The following CTNNA2 variants were observed in gnomAD, a reference collection of about 807,000 sequenced individuals.
CTNNA2 encodes catenin alpha 2, also known as catenin alpha-2.
In CTNNA2, 42 loss-of-function variants were observed where a neutral mutation model predicts 101.0. That is an observed-to-expected ratio of 0.42 (90% CI 0.32 to 0.54). CTNNA2 has a LOEUF of 0.54. Among genes scored for constraint, CTNNA2 ranks in the 20% least tolerant of loss-of-function variants. CTNNA2 has a pLI of 0.14. For synonymous variants in CTNNA2, 450 were observed against 456.4 expected, an observed-to-expected ratio of 0.99 and a Z score of 0.18; for missense variants, 871 against 1,223.1, an observed-to-expected ratio of 0.71 and a Z score of 4.29.
At chr2:79,817,086 G>A (rs1677566918) in intron 3 of CTNNA2, among the ~76,000 whole-genome samples, 2 of 151,550 alleles carry the variant, frequency 1.3e-5, no homozygotes, top group Non-Finnish European at 2.9e-5. Context: ...TGCCCAACGT[G>A]CAGGTTTGTT....
chr2:79,537,796 CT>C (rs34057879), intron 1 of CTNNA2, among the ~76,000 whole-genome samples: 101,124 of 145,276 alleles, frequency 0.7, 34,942 homozygotes, highest in Non-Finnish European at 0.72. Context: ...ATTACTATGC[CT>C]TTTTTTTTTT....
intron 17 of CTNNA2, among the ~76,000 whole-genome samples, chr2:80,609,779 C>T (rs547300473): frequency 9.9e-5 from 15 of 151,768 alleles, no homozygotes; most frequent in African/African-American, 2.2e-4. Flanking sequence ...TACATGGATG[C>T]GCAAAGCATC....
chr2:79,776,943 G>GA (rs1047954728), intron 3 of CTNNA2: 33 of 152,158 alleles, frequency 2.2e-4, no homozygotes, highest in African/African-American at 7.7e-4. Context: ...TACACATAAT[G>GA]AAAATGCTCC....
intron 7 of CTNNA2, among the ~76,000 whole-genome samples, chr2:80,282,781 G>A (rs1043669453): frequency 1.3e-5 from 2 of 152,216 alleles, no homozygotes; most frequent in Admixed American, 6.5e-5. Context: ...GTTATGTCTT[G>A]CAATCTTAGA....
At chr2:80,123,223 T>G (rs548476340) in intron 7 of CTNNA2, among the ~76,000 whole-genome samples, 1 of 152,246 alleles carries the variant, frequency 6.6e-6, no homozygotes, top group African/African-American at 2.4e-5. Flanking sequence ...AAGCATTTCG[T>G]TCTTTTCTTA....
chr2:79,296,492 C>G (rs1365278009), intron 2 of CTNNA2, among the ~76,000 whole-genome samples: 2 of 152,084 alleles, frequency 1.3e-5, no homozygotes, highest in African/African-American at 4.8e-5. Flanking sequence ...TCATTTATAG[C>G]TTTTTTACAG....
chr2:79,340,829 G>A lies in CTNNA2; in HGVS notation c.-318+28033G>A, dbSNP rs570673649. ...AGCCTGGGCTACAGAGCGAGACTCA[G>A]TCTCAAAAAAAAAAAAAAAAAAAAA... is the stretch of plus-strand genomic sequence containing the variant. On this transcript the variant is annotated intron_variant, in intron 3 of 21. Coordinates refer to the CTNNA2 transcript ENST00000466387. Among the ~76,000 whole-genome samples the A allele has an allele frequency of 2.8e-3, 180 of 64,848 alleles. 1 individual carries two copies. Among genetic ancestry groups the A allele is most frequent in the African/African-American group, 0.011 (165 of 14,594 alleles). The allele number at this position is 64,848 out of a possible 152,430, so 42.5% of individuals were successfully genotyped here.
chr2:80,479,013 T>G (rs1057037115), intron 9 of CTNNA2, among the ~76,000 whole-genome samples: 6 of 66,384 alleles, frequency 9.0e-5, no homozygotes, highest in Non-Finnish European at 1.4e-4. Context: ...TGAGCATGGG[T>G]TTTTTTTTTA....
intron 3 of CTNNA2, among the ~76,000 whole-genome samples, chr2:79,817,662 C>T (rs1489274119): frequency 2.0e-5 from 3 of 152,104 alleles, no homozygotes; most frequent in African/African-American, 4.8e-5. Flanking sequence ...TGGGGTCTTG[C>T]GCCAAGGGCA....
intron 3 of CTNNA2, among the ~76,000 whole-genome samples, chr2:79,369,549 G>A (rs4143799): frequency 0.66 from 100,033 of 152,006 alleles, 33,080 homozygotes; most frequent in Admixed American, 0.71. Context: ...CCTGTGACAG[G>A]CACCTGCTCA....
chr2:80,625,311 A>G (rs1671568094), intron 18 of CTNNA2, among the ~76,000 whole-genome samples: 1 of 152,042 alleles, frequency 6.6e-6, no homozygotes, highest in South Asian at 2.1e-4. Context: ...CTGAAGGATT[A>G]GTATGTGCCA....
chr2:79,451,099 A>G (rs953354381), intron 4 of CTNNA2, among the ~76,000 whole-genome samples: 1 of 152,130 alleles, frequency 6.6e-6, no homozygotes, highest in African/African-American at 2.4e-5. Flanking sequence ...AGAATGTGCA[A>G]ACTCCACAAA....
At chr2:79,982,500 C>CAT (rs1553421267) in intron 7 of CTNNA2, among the ~76,000 whole-genome samples, 1 of 149,142 alleles carries the variant, frequency 6.7e-6, no homozygotes, top group Admixed American at 6.7e-5. Context: ...CACACACACA[C>CAT]ATGCACGCAC....
intron 4 of CTNNA2, among the ~76,000 whole-genome samples, chr2:79,480,696 T>C (rs1671099567): frequency 6.6e-6 from 1 of 152,218 alleles, no homozygotes; most frequent in Non-Finnish European, 1.5e-5. Context: ...GATTTTCTGG[T>C]TAATTTCAGC....
intron 3 of CTNNA2, among the ~76,000 whole-genome samples, chr2:79,816,666 G>T (rs1912693): frequency 0.1 from 15,788 of 152,162 alleles, 1,158 homozygotes; most frequent in African/African-American, 0.2. Context: ...GTGTTAGGTT[G>T]ACCACAGGTA....
At chr2:79,249,591 A>G (rs192349034) in intron 2 of CTNNA2, among the ~76,000 whole-genome samples, 7 of 152,264 alleles carry the variant, frequency 4.6e-5, no homozygotes, top group Admixed American at 3.9e-4. Flanking sequence ...AGGTCCACCA[A>G]TGCTCCTAAC....
intron 9 of CTNNA2, among the ~76,000 whole-genome samples, chr2:80,473,642 T>C (rs1344311261): frequency 6.6e-6 from 1 of 152,208 alleles, no homozygotes; most frequent in Non-Finnish European, 1.5e-5. Flanking sequence ...CTGAGTTTGC[T>C]CAGCAGTCAG....
rs187299356 is a variant in CTNNA2 at position 79,961,681 on chromosome 2, G to A, written c.1056+51884G>A. 5.9e-3 allele frequency among the ~76,000 whole-genome samples: 891 copies of A among 152,194 alleles called. 33 individuals carry two copies. The highest frequency in any genetic ancestry group is 0.051 in the Admixed American group (774 of 15,284). On this transcript the variant is annotated intron_variant, in intron 7 of 18. Coordinates refer to ENST00000402739, the MANE Select transcript of CTNNA2 (RefSeq NM_001282597.3). ...ACTAAAAATACAAAAAATTAGCCGGGCGTGGTGGCGGGCGCCTGTAGTCCC... is the reference window on the plus strand; with the variant it reads ...ACTAAAAATACAAAAAATTAGCCGGACGTGGTGGCGGGCGCCTGTAGTCCC...
chr2:80,497,996 G>T (rs1687599094), intron 9 of CTNNA2, among the ~76,000 whole-genome samples: 1 of 152,138 alleles, frequency 6.6e-6, no homozygotes, highest in Non-Finnish European at 1.5e-5. Flanking sequence ...CATGGAAACT[G>T]TGAGATAATA....
Sources: gnomAD v4.1 joint callset for allele counts (sites outside exome capture counted in the v4.1 genomes callset) on GRCh38, gnomAD v4.1.1 for gene constraint, MANE v1.5 for transcripts, NCBI Gene and HGNC (gene_info 2026-07-23, HGNC 2026-07-21) for gene names.